TACR1: variants seen among roughly 807,000 people sequenced by gnomAD.
TACR1 encodes the protein substance-P receptor.
A neutral mutation model predicts 35.8 loss-of-function variants in TACR1; 25 were observed. The observed-to-expected ratio is 0.70, with a 90% CI of 0.51 to 0.98. The LOEUF is 0.98. Ranked by LOEUF, TACR1 falls within the 50% of genes least tolerant of loss-of-function variation. The pLI is 0.00. For missense variants in TACR1, 478 were observed against 522.9 expected, an observed-to-expected ratio of 0.91 and a Z score of 0.84; for synonymous variants, 195 against 206.7, an observed-to-expected ratio of 0.94 and a Z score of 0.48.
intron 2 of TACR1, among the ~76,000 whole-genome samples, chr2:75,075,179 C>G (rs17564182): frequency 0.16 from 23,691 of 152,222 alleles, 2,241 homozygotes; most frequent in Middle Eastern, 0.31. Flanking sequence ...GCTTAACTGT[C>G]TCTTTCCTCA....
chr2:75,123,238 C>T (rs977680119), intron 1 of TACR1, among the ~76,000 whole-genome samples: 1 of 152,206 alleles, frequency 6.6e-6, no homozygotes, highest in Non-Finnish European at 1.5e-5. Context: ...CATTCTCAGG[C>T]TTCACAGGAA....
intron 1 of TACR1, among the ~76,000 whole-genome samples, chr2:75,151,244 C>G (rs1254994290): frequency 6.6e-6 from 1 of 152,196 alleles, no homozygotes; most frequent in Non-Finnish European, 1.5e-5. Flanking sequence ...ATCCCCAAGA[C>G]CATGGGGAAA....
chr2:75,107,042 A>AAT (rs980777604), intron 2 of TACR1, among the ~76,000 whole-genome samples: 2 of 151,880 alleles, frequency 1.3e-5, no homozygotes, highest in African/African-American at 4.8e-5. Context: ...AGGAAAACTA[A>AAT]ATATATGGAA....
At chr2:75,082,472 C>T (rs1263443604) in intron 2 of TACR1, among the ~76,000 whole-genome samples, 1 of 152,192 alleles carries the variant, frequency 6.6e-6, no homozygotes, top group African/African-American at 2.4e-5. Context: ...ATGGTATTTC[C>T]AGTTCTAGAT....
At chr2:75,077,904 T>A (rs1048638761) in intron 2 of TACR1, among the ~76,000 whole-genome samples, 18 of 152,216 alleles carry the variant, frequency 1.2e-4, no homozygotes, top group African/African-American at 4.1e-4. Context: ...TTCATCTCAT[T>A]TTCTTCCCAT....
At position 75,046,566 on chromosome 2, in the gene TACR1, C is replaced by T. The variant is rs2103771116; in HGVS notation, c.*2866G>A. The T allele has an allele frequency of 6.6e-6, 1 of 152,324 alleles. No individual in the cohort carries two copies. The highest frequency in any genetic ancestry group is 2.1e-4 in the South Asian group (1 of 4,826). 9.4% of individuals were successfully genotyped at this position (152,324 alleles called of 1,614,324 possible). A position where few individuals can be genotyped will look rare whatever the true frequency, so the allele number is the denominator to read the frequency against. On this transcript the variant is annotated 3_prime_UTR_variant, in exon 5 of 5. Transcript: ENST00000305249. ...GGCCCCTCTCCACTTATACTCCTCTCCTCACAAATCAGGCCAATGAGGTCA... is the reference window on the plus strand; with the variant it reads ...GGCCCCTCTCCACTTATACTCCTCTTCTCACAAATCAGGCCAATGAGGTCA...
At chr2:75,073,951 C>T (rs1344750280) in intron 2 of TACR1, among the ~76,000 whole-genome samples, 3 of 152,180 alleles carry the variant, frequency 2.0e-5, no homozygotes, top group African/African-American at 4.8e-5. Context: ...GGCAACTCCT[C>T]AACCCCTGAA....
chr2:75,082,891 T>C (rs1156691838), intron 2 of TACR1, among the ~76,000 whole-genome samples: 2 of 152,186 alleles, frequency 1.3e-5, no homozygotes, highest in Admixed American at 6.5e-5. Context: ...TTCACTCTGA[T>C]GGTAGTTTCT....
chr2:75,139,394 G>C (rs1674357364), intron 1 of TACR1, among the ~76,000 whole-genome samples: 1 of 152,214 alleles, frequency 6.6e-6, no homozygotes, highest in African/African-American at 2.4e-5. Flanking sequence ...TTGAATCCAG[G>C]CTATCTGACT....
chr2:75,128,311 C>G (rs1168109700), intron 1 of TACR1, among the ~76,000 whole-genome samples: 1 of 152,192 alleles, frequency 6.6e-6, no homozygotes, highest in Non-Finnish European at 1.5e-5. Context: ...AGGCACTAAG[C>G]CAGGATTGAT....
chr2:75,050,826 G>A (rs1205102956), intron 4 of TACR1, among the ~76,000 whole-genome samples: 1 of 152,204 alleles, frequency 6.6e-6, no homozygotes, highest in Non-Finnish European at 1.5e-5. Flanking sequence ...TCTGTGGGGG[G>A]ATGAAATTCT....
chr2:75,087,742 T>A (rs28707753), intron 2 of TACR1, among the ~76,000 whole-genome samples: 7 of 152,222 alleles, frequency 4.6e-5, no homozygotes, highest in African/African-American at 1.7e-4. Flanking sequence ...ACTTTTCCCC[T>A]GCTGAAGTCC....
At chr2:75,091,895 T>C (rs1424830708) in intron 2 of TACR1, among the ~76,000 whole-genome samples, 1 of 152,200 alleles carries the variant, frequency 6.6e-6, no homozygotes, top group Non-Finnish European at 1.5e-5. Context: ...CCCTCACTAA[T>C]GTACGGCTGT....
intron 1 of TACR1, among the ~76,000 whole-genome samples, chr2:75,142,830 T>C (rs138652258): frequency 6.6e-5 from 10 of 152,342 alleles, no homozygotes; most frequent in Non-Finnish European, 1.5e-4. Flanking sequence ...TCCTGGGCTC[T>C]ACCCATGGCC....
chr2:75,150,766 T>A (rs1352671626), intron 1 of TACR1, among the ~76,000 whole-genome samples: 1 of 152,188 alleles, frequency 6.6e-6, no homozygotes, highest in East Asian at 1.9e-4. Context: ...ATTGGAATAG[T>A]TTGGGAGGGC....
chr2:75,105,164 A>C (rs1376334521), intron 2 of TACR1, among the ~76,000 whole-genome samples: 2 of 152,166 alleles, frequency 1.3e-5, no homozygotes, highest in Non-Finnish European at 2.9e-5. Context: ...ATAGATAAAG[A>C]AAATGTGATA....
chr2:75,102,646 A>G (rs1673561298), intron 2 of TACR1, among the ~76,000 whole-genome samples: 1 of 152,186 alleles, frequency 6.6e-6, no homozygotes. Context: ...ACAAAGGAGC[A>G]ATCTATGCTG....
At chr2:75,069,444 A>G (rs915718641) in intron 2 of TACR1, among the ~76,000 whole-genome samples, 3 of 152,188 alleles carry the variant, frequency 2.0e-5, no homozygotes, top group African/African-American at 7.2e-5. Context: ...CACAGTGGCT[A>G]TTCCACAGCC....
intron 2 of TACR1, among the ~76,000 whole-genome samples, chr2:75,079,941 G>A (rs1673051945): frequency 1.3e-5 from 2 of 151,950 alleles, no homozygotes; most frequent in African/African-American, 4.8e-5. Flanking sequence ...TGTCACTCTG[G>A]GCAGGTTGCT....
Sources: gnomAD v4.1 joint callset for allele counts (sites outside exome capture counted in the v4.1 genomes callset) on GRCh38, gnomAD v4.1.1 for gene constraint, MANE v1.5 for transcripts, NCBI Gene and HGNC (gene_info 2026-07-23, HGNC 2026-07-21) for gene names.